Variants in PDE4B observed in about 807,000 individuals in gnomAD.
PDE4B encodes the protein 3',5'-cyclic-AMP phosphodiesterase 4B.
Under a neutral mutation model 82.2 loss-of-function variants are expected in PDE4B, and 20 were observed. The observed-to-expected ratio is 0.24, with a 90% confidence interval of 0.17 to 0.35. PDE4B has a LOEUF of 0.35. Among genes scored for constraint, PDE4B ranks in the 10% least tolerant of loss-of-function variants. The pLI, the probability that PDE4B is intolerant of heterozygous loss-of-function variation, is 1.00. For missense variants in PDE4B, 655 were observed against 907.2 expected (o/e 0.72, Z 3.57); for synonymous variants, 320 against 318.9 (o/e 1.00, Z -0.04).
intron 1 of PDE4B, among the ~76,000 whole-genome samples, chr1:65,904,656 C>T (rs1647008335): frequency 6.6e-6 from 1 of 152,048 alleles, no homozygotes; most frequent in Admixed American, 6.6e-5. Flanking sequence ...CTCTGATAAA[C>T]AATGCTTATT....
At chr1:66,060,957 G>T (rs1655554784) in intron 3 of PDE4B, among the ~76,000 whole-genome samples, 1 of 151,768 alleles carries the variant, frequency 6.6e-6, no homozygotes, top group Non-Finnish European at 1.5e-5. Context: ...ATAAGAAAAT[G>T]ATTAGAATGT....
At chr1:65,993,784 T>C (rs1446051896) in intron 3 of PDE4B, among the ~76,000 whole-genome samples, 1 of 152,148 alleles carries the variant, frequency 6.6e-6, no homozygotes, top group Non-Finnish European at 1.5e-5. Context: ...ACTTTAAAAT[T>C]TATAGCTATT....
chr1:66,168,028 T>C (rs114956997), intron 3 of PDE4B, among the ~76,000 whole-genome samples: 2 of 152,046 alleles, frequency 1.3e-5, no homozygotes, highest in African/African-American at 4.8e-5. Context: ...TGTAAGAGAG[T>C]TACCTTGAAC....
intron 3 of PDE4B, among the ~76,000 whole-genome samples, chr1:66,018,087 T>A (rs1652880006): frequency 6.6e-6 from 1 of 152,134 alleles, no homozygotes; most frequent in Non-Finnish European, 1.5e-5. Context: ...ATTTAACTGT[T>A]TCAGCAAAAG....
At chr1:66,225,798 C>A (rs543976885) in intron 3 of PDE4B, among the ~76,000 whole-genome samples, 25 of 152,128 alleles carry the variant, frequency 1.6e-4, no homozygotes, top group Non-Finnish European at 3.2e-4. Flanking sequence ...TTGGCATTTC[C>A]AATTTCTTAT....
chr1:66,273,728 A>C (rs558660163), intron 7 of PDE4B, among the ~76,000 whole-genome samples: 6 of 152,364 alleles, frequency 3.9e-5, no homozygotes, highest in Admixed American at 6.5e-5. Context: ...GGACATAGCA[A>C]ATGCTCAATA....
At chr1:66,284,797 G>C (rs1656553594) in intron 7 of PDE4B, among the ~76,000 whole-genome samples, 1 of 152,126 alleles carries the variant, frequency 6.6e-6, no homozygotes, top group Non-Finnish European at 1.5e-5. Context: ...CAGGAAAGAT[G>C]GCTGGGCAAA....
chr1:66,038,597 G>A (rs1294966648), intron 3 of PDE4B, among the ~76,000 whole-genome samples: 1 of 152,116 alleles, frequency 6.6e-6, no homozygotes, highest in Non-Finnish European at 1.5e-5. Flanking sequence ...GTAGAAATAG[G>A]AAATGAAGTT....
chr1:66,278,783 C>A (rs960725800), intron 7 of PDE4B, among the ~76,000 whole-genome samples: 1 of 151,682 alleles, frequency 6.6e-6, no homozygotes, highest in Non-Finnish European at 1.5e-5. Context: ...CCTGCCCGGA[C>A]AAACAATGAA....
intron 3 of PDE4B, among the ~76,000 whole-genome samples, chr1:66,176,329 C>T (rs948864217): frequency 8.5e-5 from 13 of 152,236 alleles, no homozygotes; most frequent in South Asian, 4.1e-4. Context: ...GGCTAGGCAT[C>T]GCCTAAAATC....
intron 3 of PDE4B, among the ~76,000 whole-genome samples, chr1:66,073,120 A>T (rs1656244335): frequency 1.3e-5 from 2 of 151,438 alleles, no homozygotes; most frequent in Admixed American, 6.6e-5. Flanking sequence ...GGCCTGCCGG[A>T]TCTTGTGATT....
intron 3 of PDE4B, among the ~76,000 whole-genome samples, chr1:65,982,455 A>G (rs915613524): frequency 6.6e-6 from 1 of 152,206 alleles, no homozygotes; most frequent in Admixed American, 6.6e-5. Context: ...CTACATTGCA[A>G]GAAATGAGAA....
At chr1:66,074,994 C>T (rs1308528175) in intron 3 of PDE4B, among the ~76,000 whole-genome samples, 1 of 151,926 alleles carries the variant, frequency 6.6e-6, no homozygotes, top group East Asian at 2.0e-4. Context: ...TGGCTCTGCC[C>T]AGGAAAGAAT....
At chr1:65,955,767 T>G (rs935743175) in intron 3 of PDE4B, among the ~76,000 whole-genome samples, 1 of 152,152 alleles carries the variant, frequency 6.6e-6, no homozygotes, top group Non-Finnish European at 1.5e-5. Context: ...AGTAACATGC[T>G]CTTCAGTCAT....
intron 7 of PDE4B, among the ~76,000 whole-genome samples, chr1:66,328,789 A>G (rs966606356): frequency 1.3e-5 from 2 of 152,132 alleles, no homozygotes; most frequent in Admixed American, 6.5e-5. Flanking sequence ...AGTTAGCCAC[A>G]TGTGCTTTGT....
chr1:66,341,773 GCA>G (rs1661003605), intron 8 of PDE4B, among the ~76,000 whole-genome samples: 2 of 152,150 alleles, frequency 1.3e-5, no homozygotes, highest in Non-Finnish European at 2.9e-5. Flanking sequence ...CTGCCACTTT[GCA>G]GAGCTGTTAG....
intron 1 of PDE4B, among the ~76,000 whole-genome samples, chr1:65,843,626 G>A (rs4077430): frequency 0.069 from 10,492 of 152,106 alleles, 659 homozygotes; most frequent in East Asian, 0.34. Context: ...ATATATATGC[G>A]TTTAATCAGT....
At chr1:66,187,558 T>G (rs993599669) in intron 3 of PDE4B, among the ~76,000 whole-genome samples, 1 of 152,266 alleles carries the variant, frequency 6.6e-6, no homozygotes, top group African/African-American at 2.4e-5. Context: ...TGGTTTAGTC[T>G]TGGGAGGGCA....
At chr1:65,932,584 G>T (rs1290839356) in intron 3 of PDE4B, among the ~76,000 whole-genome samples, 1 of 151,950 alleles carries the variant, frequency 6.6e-6, no homozygotes, top group Non-Finnish European at 1.5e-5. Flanking sequence ...CATGGAAATG[G>T]ATTCCAAACA....
Sources: allele counts gnomAD v4.1 joint callset (sites outside exome capture counted in the v4.1 genomes callset), GRCh38; gene constraint gnomAD v4.1.1; transcripts MANE v1.5; gene names NCBI Gene and HGNC (gene_info 2026-07-23, HGNC 2026-07-21).